PSME3IP1: variants seen among roughly 807,000 people sequenced by gnomAD.
PSME3IP1 encodes proteasome activator subunit 3 interacting protein 1.
Under a neutral mutation model 34.1 loss-of-function variants are expected in PSME3IP1, and 13 were observed. The ratio of observed to expected loss-of-function variants is 0.38; its 90% CI spans 0.25 to 0.61. The LOEUF is 0.61. Among genes scored for constraint, PSME3IP1 ranks in the 20% least tolerant of loss-of-function variants. PSME3IP1 has a pLI of 0.60. For missense variants in PSME3IP1, 237 were observed against 301.4 expected, an observed-to-expected ratio of 0.79 and a Z score of 1.58; for synonymous variants, 93 against 114.3, an observed-to-expected ratio of 0.81 and a Z score of 1.19.
At position 57,154,398 on chromosome 16, in the gene PSME3IP1, A is replaced by C. The variant is rs778415785; in HGVS notation, c.657T>G (p.Ser219=). The C allele has an allele frequency of 6.2e-7, 1 of 1,614,094 alleles. No individual in the cohort carries two copies. Among genetic ancestry groups the C allele is most frequent in the South Asian group, 1.1e-5 (1 of 91,082 alleles). The part of the protein sequence containing the change: ...IGILPGLGAY[S]GSSDSESSSD... ...AGCTGGACTCGGAGTCGCTGCTCCC[A>C]GAGTAGGCACCCAGGCCTGGGAGGA... The change falls in exon 7 of 7, where the codon TCT becomes TCG. Residue 219 remains serine, a synonymous_variant. Transcript: ENST00000309137. The surrounding 1 kb of genome is among the most constrained non-coding windows in gnomAD (Gnocchi z 4.0).
In PSME3IP1 at chr16:57,154,228, T is replaced by C. The variant is rs2070231180; in HGVS notation, c.*62A>G. ...TTTTTTTTGAGGGACATAATGCCTA[T>C]AGGCAGCATGAACGGTCCGATCTAC... On this transcript the variant is annotated 3_prime_UTR_variant, in exon 7 of 7. Transcript: ENST00000309137. This position sits in a 1 kb window ranked among gnomAD's most constrained non-coding sequence, Gnocchi z 4.0. 14 of 1,440,400 alleles carry C rather than the reference T, an allele frequency of 9.7e-6. No individual in the cohort carries two copies. In the South Asian group the frequency reaches 1.2e-4, roughly 12 times the overall value. 89.2% of individuals were successfully genotyped at this position (1,440,400 alleles called of 1,614,324 possible).
chr16:57,164,183 G>A (rs2071588968), intron 5 of PSME3IP1, 118 bp from the exon 6 acceptor site: 1 of 761,004 alleles, frequency 1.3e-6, no homozygotes, highest in Non-Finnish European at 2.2e-6. Flanking sequence ...AGGCTGGGAT[G>A]ATAAAAATGA....
intron 3 of PSME3IP1, 43 bp downstream of exon 3, chr16:57,172,733 T>C (rs924117889): frequency 1.4e-5 from 20 of 1,415,578 alleles, no homozygotes; most frequent in Non-Finnish European, 2.0e-5. Flanking sequence ...GCGTCAAAAG[T>C]ACCCCACAGA....
In PSME3IP1 at chr16:57,159,083, T is replaced by C. The variant is rs77889911; in HGVS notation, c.548-4576A>G. On this transcript the variant is annotated intron_variant, in intron 6 of 6. Transcript: ENST00000309137. ...ATGGAATTTAAAGTTCTATTTTACA[T>C]AGAAAAGAAGGATGAAAGTCAGAGT... Among the ~76,000 whole-genome samples, 1,111 of 152,270 alleles carry C rather than the reference T, an allele frequency of 7.3e-3. 21 individuals are homozygous for C. The highest frequency in any genetic ancestry group is 0.026 in the African/African-American group (1,067 of 41,550).
intron 4 of PSME3IP1, among the ~76,000 whole-genome samples, chr16:57,167,640 CT>C (rs1259956604): frequency 6.6e-6 from 1 of 152,160 alleles, no homozygotes. Context: ...GTTGTTCTGA[CT>C]ATCAGTGGCA....
chr16:57,183,023 T>C (rs117700934), intron 1 of PSME3IP1, among the ~76,000 whole-genome samples: 5,894 of 152,118 alleles, frequency 0.039, 174 homozygotes, highest in Middle Eastern at 0.065. Context: ...GTAAAAGACA[T>C]AAGGTTGGCA....
intron 4 of PSME3IP1, among the ~76,000 whole-genome samples, chr16:57,171,619 T>C (rs1438081091): frequency 2.6e-5 from 4 of 152,212 alleles, no homozygotes; most frequent in African/African-American, 9.7e-5. Flanking sequence ...GAAACAGTTC[T>C]TGGCCCAGGC....
chr16:57,154,612 G>A lies in PSME3IP1; in HGVS notation c.548-105C>T, dbSNP rs1271599878. On this transcript the variant is annotated intron_variant, in intron 6 of 6. Coordinates refer to ENST00000309137, the MANE Select transcript of PSME3IP1 (RefSeq NM_024946.4). The surrounding 1 kb of genome is among the most constrained non-coding windows in gnomAD (Gnocchi z 4.0). Reference sequence around the variant, plus strand: ...TACCAAGGGATTTTCCCACAGAGGAGCCTTAGAACAATGCTATGCAGCCAA... The same window carrying A: ...TACCAAGGGATTTTCCCACAGAGGAACCTTAGAACAATGCTATGCAGCCAA... 9.5e-6 allele frequency: 9 copies of A among 945,554 alleles called. No individual in the cohort carries two copies. In the African/African-American group the frequency reaches 1.0e-4, roughly 11 times the overall value. 58.6% of individuals were successfully genotyped at this position (945,554 alleles called of 1,614,324 possible).
rs1244003173 is a variant in PSME3IP1, at chr16:57,152,825, G to C, written c.*1465C>G. The stretch of plus-strand genomic sequence containing the variant: ...CTGAAAAGGAGGAAGAATTCACAAA[G>C]CATCAGTTATGGGTGCAGGGAAGTC... On this transcript the variant is annotated 3_prime_UTR_variant, in exon 7 of 7. Transcript: ENST00000309137. The C allele has an allele frequency of 2.0e-5, 3 of 152,632 alleles. No homozygotes were observed. The highest frequency in any genetic ancestry group is 6.5e-5 in the Admixed American group (1 of 15,290). The allele number at this position is 152,632 out of a possible 1,614,324, so 9.5% of individuals were successfully genotyped here. A position where few individuals can be genotyped will look rare whatever the true frequency, so the allele number is the denominator to read the frequency against.
intron 1 of PSME3IP1, chr16:57,174,340 G>T: frequency 8.5e-6 from 5 of 585,820 alleles, no homozygotes; most frequent in Non-Finnish European, 1.1e-5. Context: ...GGCCATTGAT[G>T]AAAGCACATG....
chr16:57,165,390 A>T (rs528653553), intron 5 of PSME3IP1, among the ~76,000 whole-genome samples: 1 of 152,318 alleles, frequency 6.6e-6, no homozygotes, highest in African/African-American at 2.4e-5. Flanking sequence ...TCAGATGCTC[A>T]TAACTAAAAA....
chr16:57,170,655 G>A (rs1258388109), intron 4 of PSME3IP1, among the ~76,000 whole-genome samples: 1 of 152,166 alleles, frequency 6.6e-6, no homozygotes, highest in Non-Finnish European at 1.5e-5. Context: ...AATCAGAAGT[G>A]ACCAAGTCAG....
intron 6 of PSME3IP1, among the ~76,000 whole-genome samples, chr16:57,160,363 T>A (rs372705291): frequency 4.8e-4 from 73 of 152,232 alleles, no homozygotes; most frequent in African/African-American, 1.7e-3. Flanking sequence ...ACATATACAG[T>A]ATACATTTAT....
intron 1 of PSME3IP1, among the ~76,000 whole-genome samples, chr16:57,183,424 C>A (rs1235777334): frequency 1.3e-5 from 2 of 152,064 alleles, no homozygotes; most frequent in African/African-American, 2.4e-5. Flanking sequence ...CCTCCACCTC[C>A]CAGGTTCAAG....
chr16:57,177,159 T>C (rs2145896084), intron 1 of PSME3IP1, among the ~76,000 whole-genome samples: 1 of 152,132 alleles, frequency 6.6e-6, no homozygotes, highest in African/African-American at 2.4e-5. Context: ...CCGGCCTATA[T>C]TTTTAAAAGA....
intron 6 of PSME3IP1, among the ~76,000 whole-genome samples, chr16:57,155,847 C>T (rs1240917132): frequency 2.0e-5 from 3 of 151,572 alleles, no homozygotes; most frequent in Non-Finnish European, 4.4e-5. Flanking sequence ...TGGTGCATGC[C>T]TGTGGTCCCA....
chr16:57,160,072 T>C (rs1287688400), intron 6 of PSME3IP1, among the ~76,000 whole-genome samples: 3 of 152,002 alleles, frequency 2.0e-5, no homozygotes, highest in African/African-American at 4.8e-5. Context: ...GGGTGGATCA[T>C]GAGGTCAGGA....
chr16:57,181,986 G>A (rs1357858721), intron 1 of PSME3IP1, among the ~76,000 whole-genome samples: 7 of 152,062 alleles, frequency 4.6e-5, no homozygotes, highest in Non-Finnish European at 7.4e-5. Context: ...AACCAGTGAC[G>A]CTGGTGGTCA....
intron 1 of PSME3IP1, chr16:57,174,078 G>C: frequency 2.2e-6 from 1 of 465,090 alleles, no homozygotes; most frequent in Non-Finnish European, 3.9e-6. Flanking sequence ...CATGGATCAC[G>C]AGGTCAGGAG....
Sources: allele counts gnomAD v4.1 joint callset (sites outside exome capture counted in the v4.1 genomes callset), GRCh38; gene constraint gnomAD v4.1.1; non-coding constraint Gnocchi (gnomAD v3.1); transcripts MANE v1.5; gene names NCBI Gene and HGNC (gene_info 2026-07-23, HGNC 2026-07-21).